Variants in CREB5 observed in about 807,000 individuals in gnomAD.
CREB5 encodes cAMP responsive element binding protein 5, also known as cyclic AMP-responsive element-binding protein 5.
CREB5 carries 19 observed loss-of-function variants against 57.1 expected under a neutral mutation model. The ratio of observed to expected loss-of-function variants is 0.33; its 90% CI spans 0.23 to 0.49. The LOEUF (loss-of-function observed/expected upper bound fraction) is 0.49. Among genes scored for constraint, CREB5 ranks in the 20% least tolerant of loss-of-function variants. The pLI is 0.99. For synonymous variants in CREB5, 238 were observed against 238.3 expected, an observed-to-expected ratio of 1.00 and a Z score of 0.01; for missense variants, 579 against 671.6, an observed-to-expected ratio of 0.86 and a Z score of 1.52.
intron 1 of CREB5, among the ~76,000 whole-genome samples, chr7:28,368,365 C>T (rs370789773): frequency 1.3e-4 from 19 of 151,972 alleles, no homozygotes; most frequent in Non-Finnish European, 2.2e-4. Flanking sequence ...ACCACCTGTA[C>T]CCCTAAAGCT....
intron 5 of CREB5, among the ~76,000 whole-genome samples, chr7:28,705,654 A>G (rs184472629): frequency 9.2e-5 from 14 of 152,326 alleles, no homozygotes; most frequent in African/African-American, 3.1e-4. Context: ...AATGATACCA[A>G]ATTGCATTTT....
chr7:28,326,983 A>G (rs1043710162), intron 1 of CREB5, among the ~76,000 whole-genome samples: 1 of 151,940 alleles, frequency 6.6e-6, no homozygotes, highest in Non-Finnish European at 1.5e-5. Flanking sequence ...CCCTGTCTTG[A>G]GTAAAAATAC....
intron 1 of CREB5, among the ~76,000 whole-genome samples, chr7:28,453,111 T>C (rs1789907129): frequency 6.6e-6 from 1 of 152,234 alleles, no homozygotes; most frequent in Non-Finnish European, 1.5e-5. Context: ...GTTGCAGTTC[T>C]GAAAATTTCT....
chr7:28,384,274 A>G (rs1032395825), intron 1 of CREB5, among the ~76,000 whole-genome samples: 2 of 152,204 alleles, frequency 1.3e-5, no homozygotes, highest in Non-Finnish European at 2.9e-5. Context: ...GTGGAGAGCG[A>G]GTGCATGATA....
At chr7:28,354,499 G>A (rs865792069) in intron 1 of CREB5, among the ~76,000 whole-genome samples, 51 of 152,146 alleles carry the variant, frequency 3.4e-4, no homozygotes, top group Middle Eastern at 3.2e-3. Context: ...TGCAGACGGC[G>A]TATTGTGGGA....
At chr7:28,523,933 A>G (rs1026744153) in intron 4 of CREB5, among the ~76,000 whole-genome samples, 9 of 152,122 alleles carry the variant, frequency 5.9e-5, no homozygotes, top group Admixed American at 1.3e-4. Context: ...GCCTCCTGGG[A>G]CTGTGAGCCA....
intron 5 of CREB5, among the ~76,000 whole-genome samples, chr7:28,571,466 C>T (rs150591923): frequency 6.6e-6 from 1 of 152,076 alleles, no homozygotes; most frequent in Admixed American, 6.5e-5. Context: ...CTGGAGTAGA[C>T]AAAGCAAAGA....
At chr7:28,609,924 C>T (rs1221275522) in intron 5 of CREB5, among the ~76,000 whole-genome samples, 1 of 152,200 alleles carries the variant, frequency 6.6e-6, no homozygotes, top group Non-Finnish European at 1.5e-5. Context: ...GTGAGGAGGA[C>T]TTTGAGGGGC....
intron 1 of CREB5, among the ~76,000 whole-genome samples, chr7:28,440,219 A>T (rs538827738): frequency 6.6e-6 from 1 of 152,112 alleles, no homozygotes; most frequent in African/African-American, 2.4e-5. Context: ...GTCCGACAAC[A>T]TTGATTTATT....
chr7:28,522,843 TAATGCACTTTTC>T (rs1793269050), intron 4 of CREB5, among the ~76,000 whole-genome samples: 1 of 152,186 alleles, frequency 6.6e-6, no homozygotes, highest in Non-Finnish European at 1.5e-5. Context: ...TCTTTCTTCG[TAATGCACTTTTC>T]AATGCCACCA....
chr7:28,561,181 G>GTTCTATATA (rs1310908319), intron 4 of CREB5, among the ~76,000 whole-genome samples: 1 of 152,138 alleles, frequency 6.6e-6, no homozygotes, highest in African/African-American at 2.4e-5. Flanking sequence ...TCATTGTACT[G>GTTCTATATA]TTCTATATAT....
chr7:28,645,715 A>G (rs1253583387), intron 5 of CREB5, among the ~76,000 whole-genome samples: 1 of 152,200 alleles, frequency 6.6e-6, no homozygotes, highest in African/African-American at 2.4e-5. Flanking sequence ...TTGGAGAAAA[A>G]CAGCTTTGCC....
chr7:28,779,422 G>A (rs1220169913), intron 7 of CREB5, among the ~76,000 whole-genome samples: 2 of 152,174 alleles, frequency 1.3e-5, no homozygotes, highest in South Asian at 4.1e-4. Context: ...TAAAGGAGAA[G>A]GGAGGAAAAT....
chr7:28,495,084 C>A, intron 3 of CREB5, 85 bp downstream of exon 3: 1 of 873,712 alleles, frequency 1.1e-6, no homozygotes, highest in Non-Finnish European at 1.7e-6. Context: ...AGGCGAGTCC[C>A]ACTGGTAAAT....
intron 4 of CREB5, among the ~76,000 whole-genome samples, chr7:28,560,895 T>C (rs1354911204): frequency 0.054 from 1,422 of 26,482 alleles, 145 homozygotes; most frequent in Middle Eastern, 0.12. Flanking sequence ...TGCGTGTGTG[T>C]GCGTGCGCGC....
intron 1 of CREB5, among the ~76,000 whole-genome samples, chr7:28,438,176 A>G (rs955188737): frequency 5.3e-5 from 8 of 152,348 alleles, no homozygotes; most frequent in Non-Finnish European, 8.8e-5. Context: ...ACCCAAGAGT[A>G]GATATTGCTT....
At chr7:28,441,878 A>T (rs1349993973) in intron 1 of CREB5, among the ~76,000 whole-genome samples, 1 of 152,240 alleles carries the variant, frequency 6.6e-6, no homozygotes, top group Non-Finnish European at 1.5e-5. Context: ...TTTGTATCAC[A>T]TGTATACAAC....
intron 5 of CREB5, among the ~76,000 whole-genome samples, chr7:28,702,758 G>A (rs1801927506): frequency 6.6e-6 from 1 of 152,204 alleles, no homozygotes; most frequent in Middle Eastern, 3.2e-3. Context: ...AGGGGCCTAT[G>A]TGACCCTTTA....
At chr7:28,580,463 A>AC (rs1554347479) in intron 5 of CREB5, among the ~76,000 whole-genome samples, 1 of 146,772 alleles carries the variant, frequency 6.8e-6, no homozygotes, top group Non-Finnish European at 1.5e-5. Flanking sequence ...ACACACACAC[A>AC]ATAGATAGCT....
Sources: gnomAD v4.1 joint callset for allele counts (sites outside exome capture counted in the v4.1 genomes callset) on GRCh38, gnomAD v4.1.1 for gene constraint, MANE v1.5 for transcripts, NCBI Gene and HGNC (gene_info 2026-07-23, HGNC 2026-07-21) for gene names.